The following LRRC20 variants were observed in gnomAD, a reference collection of about 807,000 sequenced individuals.
LRRC20 encodes the protein leucine-rich repeat-containing protein 20.
In LRRC20, 11 loss-of-function variants were observed where a neutral mutation model predicts 14.4. The ratio of observed to expected loss-of-function variants is 0.77; its 90% CI spans 0.48 to 1.27. The LOEUF (loss-of-function observed/expected upper bound fraction) is 1.27. Ranked by LOEUF, LRRC20 falls within the 50% of genes most tolerant of loss-of-function variation. The pLI is 0.00. For missense variants in LRRC20, 219 were observed against 251.2 expected (o/e 0.87, Z 0.87); for synonymous variants, 121 against 107.3 (o/e 1.13, Z -0.79).
At chr10:70,323,818 C>T (rs368108424) in intron 4 of LRRC20, 45 bp downstream of exon 4, 44 of 1,603,764 alleles carry the variant, frequency 2.7e-5, no homozygotes, top group African/African-American at 2.0e-4. Context: ...GGCCCATGAG[C>T]GCCTCGTGCA....
chr10:70,367,400 T>C (rs1426910123), intron 2 of LRRC20, among the ~76,000 whole-genome samples: 2 of 150,376 alleles, frequency 1.3e-5, no homozygotes, highest in Non-Finnish European at 3.0e-5. Context: ...AAAACCTGTA[T>C]GCAAATGTTT....
chr10:70,354,805 C>T, intron 2 of LRRC20, among the ~76,000 whole-genome samples: 1 of 152,294 alleles, frequency 6.6e-6, no homozygotes. Context: ...ACTCTCTTCT[C>T]TCGCTTTGTT....
chr10:70,302,787 T>C (rs1841259729), intron 4 of LRRC20, among the ~76,000 whole-genome samples: 2 of 151,346 alleles, frequency 1.3e-5, no homozygotes, highest in South Asian at 2.1e-4. Flanking sequence ...CTCGACTCAC[T>C]GCAAGCTCCG....
At chr10:70,315,303 G>A (rs1841813608) in intron 4 of LRRC20, among the ~76,000 whole-genome samples, 1 of 152,202 alleles carries the variant, frequency 6.6e-6, no homozygotes, top group Non-Finnish European at 1.5e-5. Flanking sequence ...ACAGCAACTG[G>A]TGAATGAAGG....
At chr10:70,368,210 T>C (rs1470416725) in intron 2 of LRRC20, among the ~76,000 whole-genome samples, 1 of 138,084 alleles carries the variant, frequency 7.2e-6, no homozygotes, top group African/African-American at 2.8e-5. Context: ...CAGGCTGAAG[T>C]GCAGTGGCAC....
chr10:70,362,267 CA>C (rs912045929), intron 2 of LRRC20, among the ~76,000 whole-genome samples: 39 of 152,268 alleles, frequency 2.6e-4, no homozygotes, highest in African/African-American at 8.7e-4. Context: ...GCATCCCAGG[CA>C]AAGGGAACAG....
intron 1 of LRRC20, 117 bp downstream of exon 1, chr10:70,382,432 C>T (rs1046177166): frequency 6.6e-6 from 1 of 152,442 alleles, no homozygotes; most frequent in African/African-American, 2.4e-5. Flanking sequence ...CTGCAAAAAT[C>T]GGAACACTTC....
intron 4 of LRRC20, among the ~76,000 whole-genome samples, chr10:70,318,739 T>A (rs1286120338): frequency 7.2e-6 from 1 of 138,856 alleles, no homozygotes; most frequent in East Asian, 2.1e-4. Context: ...GTGTGAGAGA[T>A]CGAGACCCCA....
intron 2 of LRRC20, among the ~76,000 whole-genome samples, chr10:70,360,894 G>A (rs1843693718): frequency 6.6e-6 from 1 of 152,058 alleles, no homozygotes; most frequent in Non-Finnish European, 1.5e-5. Context: ...TGTTAAAGAG[G>A]GTATGGGAAC....
In LRRC20 at chr10:70,305,641, C is replaced by A. The variant is rs763717689; in HGVS notation, c.401-4133G>T. Among the ~76,000 whole-genome samples, 10 of 152,164 alleles carry A rather than the reference C, an allele frequency of 6.6e-5. No homozygotes were observed. In the South Asian group the frequency reaches 1.0e-3, roughly 16 times the overall value. ...TATTATTGTCTTAAGTCTCTTCCCCCCTCCTTTTTTCCTTTGGAAATAATT... is the reference window on the plus strand; with the variant it reads ...TATTATTGTCTTAAGTCTCTTCCCCACTCCTTTTTTCCTTTGGAAATAATT... On this transcript the variant is annotated intron_variant, in intron 4 of 4. Coordinates refer to ENST00000446961, the MANE Select transcript of LRRC20 (RefSeq NM_001278212.2).
chr10:70,327,495 C>T (rs1049573205), intron 3 of LRRC20, among the ~76,000 whole-genome samples: 1 of 151,642 alleles, frequency 6.6e-6, no homozygotes, highest in Non-Finnish European at 1.5e-5. Context: ...GAATCCGAGG[C>T]ACGAGAATCC....
intron 3 of LRRC20, among the ~76,000 whole-genome samples, chr10:70,333,460 C>T (rs1382221961): frequency 4.6e-5 from 7 of 152,146 alleles, no homozygotes; most frequent in East Asian, 1.9e-4. Context: ...CTCTGCTGGG[C>T]GGTTCTTCTG....
chr10:70,375,109 C>A (rs530621806), intron 2 of LRRC20, among the ~76,000 whole-genome samples: 2 of 152,246 alleles, frequency 1.3e-5, no homozygotes, highest in East Asian at 3.9e-4. Flanking sequence ...CTGACCAGTA[C>A]AGGATTCCGG....
intron 3 of LRRC20, among the ~76,000 whole-genome samples, chr10:70,331,773 G>A (rs1045098382): frequency 6.6e-6 from 1 of 152,184 alleles, no homozygotes; most frequent in African/African-American, 2.4e-5. Flanking sequence ...TACCCAGCCT[G>A]AGAGCAGCCC....
intron 1 of LRRC20, among the ~76,000 whole-genome samples, chr10:70,378,773 C>CAAA (rs58126984): frequency 1.5e-5 from 1 of 67,430 alleles, no homozygotes; most frequent in South Asian, 5.5e-4. Flanking sequence ...ACCTCGCGCT[C>CAAA]AAAAAAAAAA....
intron 4 of LRRC20, among the ~76,000 whole-genome samples, chr10:70,308,023 C>T (rs1841490498): frequency 6.6e-6 from 1 of 152,180 alleles, no homozygotes; most frequent in Non-Finnish European, 1.5e-5. Context: ...AGCCTGAGTT[C>T]ACCACCCAGA....
At chr10:70,325,351 T>C (rs1396708843) in intron 3 of LRRC20, among the ~76,000 whole-genome samples, 1 of 152,182 alleles carries the variant, frequency 6.6e-6, no homozygotes. Flanking sequence ...CTTCCCAGGA[T>C]AGCGGCCTGC....
intron 3 of LRRC20, among the ~76,000 whole-genome samples, chr10:70,324,444 A>G (rs1393580401): frequency 6.6e-6 from 1 of 152,156 alleles, no homozygotes; most frequent in Admixed American, 6.5e-5. Context: ...ACCACTCTCC[A>G]TGGCCCTCCC....
At chr10:70,304,394 A>G (rs1009759793) in intron 4 of LRRC20, among the ~76,000 whole-genome samples, 3 of 149,828 alleles carry the variant, frequency 2.0e-5, no homozygotes, top group Admixed American at 6.7e-5. Flanking sequence ...TAATTTTAGA[A>G]CACACTAATG....
Sources: gnomAD v4.1 joint callset for allele counts (sites outside exome capture counted in the v4.1 genomes callset) on GRCh38, gnomAD v4.1.1 for gene constraint, MANE v1.5 for transcripts, NCBI Gene and HGNC (gene_info 2026-07-23, HGNC 2026-07-21) for gene names.